The following APOLD1 variants were observed in gnomAD, a reference collection of about 807,000 sequenced individuals.
APOLD1 encodes apolipoprotein L domain-containing protein 1.
In APOLD1, 22 loss-of-function variants were observed where a neutral mutation model predicts 15.3. That is an observed-to-expected ratio of 1.44 (90% CI 1.03 to 2.05). The LOEUF is 2.05. APOLD1 is among the 30% of genes most tolerant of loss of function. The pLI is 0.00. For missense variants in APOLD1, 394 were observed against 353.5 expected, an observed-to-expected ratio of 1.11 and a Z score of -0.92; for synonymous variants, 190 against 167.4, an observed-to-expected ratio of 1.13 and a Z score of -1.04.
intron 1 of APOLD1, among the ~76,000 whole-genome samples, chr12:12,730,814 C>A (rs1316226539): frequency 6.8e-6 from 1 of 147,792 alleles, no homozygotes; most frequent in Non-Finnish European, 1.5e-5. Flanking sequence ...TAGCCCAATA[C>A]ATGGTATATA....
chr12:12,730,750 A>G (rs1946633945), intron 1 of APOLD1, among the ~76,000 whole-genome samples: 1 of 148,086 alleles, frequency 6.8e-6, no homozygotes, highest in Non-Finnish European at 1.5e-5. Context: ...GAGGATGCTT[A>G]TAACTCTCAT....
At chr12:12,734,650 G>C (rs1946669179) in intron 1 of APOLD1, among the ~76,000 whole-genome samples, 1 of 152,182 alleles carries the variant, frequency 6.6e-6, no homozygotes, top group African/African-American at 2.4e-5. Flanking sequence ...CTAGAGTCCT[G>C]ATTTTTGGCC....
At chr12:12,742,762 TA>T (rs56809842) in intron 1 of APOLD1, among the ~76,000 whole-genome samples, 133,467 of 140,748 alleles carry the variant, frequency 0.95, 63,359 homozygotes, top group Middle Eastern at 0.98. Context: ...AGACTCCATC[TA>T]AAAAAAAAAA....
At chr12:12,749,987 A>G (rs551584054) in intron 1 of APOLD1, among the ~76,000 whole-genome samples, 5 of 152,280 alleles carry the variant, frequency 3.3e-5, no homozygotes, top group South Asian at 4.2e-4. Flanking sequence ...CCCCATTCCA[A>G]TGAAATACAG....
intron 1 of APOLD1, among the ~76,000 whole-genome samples, chr12:12,758,875 C>T (rs1053878513): frequency 1.3e-5 from 2 of 152,186 alleles, no homozygotes; most frequent in African/African-American, 4.8e-5. Flanking sequence ...GAACACTTTA[C>T]AGCTTCTCTT....
chr12:12,751,611 A>G (rs1488812601), intron 1 of APOLD1, among the ~76,000 whole-genome samples: 1 of 135,258 alleles, frequency 7.4e-6, no homozygotes, highest in Non-Finnish European at 1.7e-5. Flanking sequence ...TTGGCCTACC[A>G]AAGTGCTAGG....
chr12:12,728,665 CAA>C (rs58877184), intron 1 of APOLD1, among the ~76,000 whole-genome samples: 7 of 62,836 alleles, frequency 1.1e-4, no homozygotes, highest in Admixed American at 2.0e-4. Context: ...GACCCTGTCT[CAA>C]AAAAAAAAAA....
In APOLD1 at chr12:12,787,065, G is replaced by T; in HGVS notation, c.160G>T (p.Val54Leu). ...RLERLRRRSL[V>L]ANVAGSSLSA... ...GGAGCGCCTGCGCAGGCGCTCCCTC[G>T]TAGCCAACGTGGCCGGCAGCTCGCT... The change falls in exon 2 of 2, where the codon GTA (valine) becomes TTA (leucine). Residue 54 changes from valine to leucine, a missense_variant. By Grantham distance (32) the Val-to-Leu change is conservative. Transcript: ENST00000356591. The surrounding 1 kb of genome is among the most constrained non-coding windows in gnomAD (Gnocchi z 4.9). 1 of 1,390,982 alleles carries T rather than the reference G, an allele frequency of 7.2e-7. No homozygotes were observed. The highest frequency in any genetic ancestry group is 1.6e-5 in the South Asian group (1 of 61,892). The allele number at this position is 1,390,982 out of a possible 1,614,324, so 86.2% of individuals were successfully genotyped here.
chr12:12,738,573 T>C lies in APOLD1; in HGVS notation c.96+12477T>C, dbSNP rs534214294. Among the ~76,000 whole-genome samples, 25 of 152,312 alleles carry C rather than the reference T, an allele frequency of 1.6e-4. No homozygotes were observed. In the South Asian group the frequency reaches 1.9e-3, roughly 11 times the overall value. On this transcript the variant is annotated intron_variant, in intron 1 of 1. Transcript: ENST00000326765. ...CCTTTTAAGAATTTCAAATGATGCTTTATAGTTTCTAATATGGTGCACTGG... is the reference window on the plus strand; with the variant it reads ...CCTTTTAAGAATTTCAAATGATGCTCTATAGTTTCTAATATGGTGCACTGG...
chr12:12,767,108 T>TG (rs1565434044), intron 1 of APOLD1, among the ~76,000 whole-genome samples: 1 of 151,402 alleles, frequency 6.6e-6, no homozygotes, highest in Non-Finnish European at 1.5e-5. Context: ...CAGCCGGGTG[T>TG]GGTGGTGCAT....
intron 1 of APOLD1, among the ~76,000 whole-genome samples, chr12:12,760,652 A>C (rs1264187357): frequency 2.0e-5 from 3 of 151,700 alleles, no homozygotes; most frequent in African/African-American, 7.3e-5. Flanking sequence ...AAAAAAAAAA[A>C]AAACAACCAA....
chr12:12,760,747 T>C (rs183122651), intron 1 of APOLD1, among the ~76,000 whole-genome samples: 2 of 150,986 alleles, frequency 1.3e-5, no homozygotes, highest in African/African-American at 4.9e-5. Context: ...GGCAAATCAA[T>C]AGAAATATGT....
chr12:12,789,377 G>A lies in APOLD1; in HGVS notation c.*1725G>A, dbSNP rs899487769. 6.6e-6 allele frequency: 1 copy of A among 152,180 alleles called. No individual in the cohort carries two copies. The highest frequency in any genetic ancestry group is 2.4e-5 in the African/African-American group (1 of 41,442). 9.4% of individuals were successfully genotyped at this position (152,180 alleles called of 1,614,324 possible). A position where few individuals can be genotyped will look rare whatever the true frequency, so the allele number is the denominator to read the frequency against. On this transcript the variant is annotated 3_prime_UTR_variant, in exon 2 of 2. Coordinates refer to ENST00000356591, the MANE Select transcript of APOLD1 (RefSeq NM_030817.3). Reference sequence around the variant, plus strand: ...TGGAGAGTCTTGAATGGCAAGACCAGGAGCTGAGTTTAAGCTTGTAATGGA... The same window carrying A: ...TGGAGAGTCTTGAATGGCAAGACCAAGAGCTGAGTTTAAGCTTGTAATGGA...
chr12:12,751,759 G>A (rs1752184431), intron 1 of APOLD1, among the ~76,000 whole-genome samples: 1 of 152,212 alleles, frequency 6.6e-6, no homozygotes, highest in Non-Finnish European at 1.5e-5. Flanking sequence ...ATGTTATATG[G>A]CAAAAGGAAC....
intron 1 of APOLD1, among the ~76,000 whole-genome samples, chr12:12,735,279 G>A (rs964861517): frequency 6.6e-6 from 1 of 152,034 alleles, no homozygotes; most frequent in Non-Finnish European, 1.5e-5. Flanking sequence ...CTCACCTGCA[G>A]TGCCTTCCCC....
intron 1 of APOLD1, among the ~76,000 whole-genome samples, chr12:12,767,184 T>C (rs1333170209): frequency 6.6e-6 from 1 of 152,130 alleles, no homozygotes; most frequent in Non-Finnish European, 1.5e-5. Flanking sequence ...AGGTGGAGGT[T>C]GCAGTGTGCC....
chr12:12,737,582 T>A (rs1412449449), intron 1 of APOLD1, among the ~76,000 whole-genome samples: 2 of 152,148 alleles, frequency 1.3e-5, no homozygotes, highest in African/African-American at 4.8e-5. Flanking sequence ...CTGTTTCCTT[T>A]CCCCTTTTTT....
chr12:12,742,423 A>C (rs73281165), intron 1 of APOLD1, among the ~76,000 whole-genome samples: 3,876 of 152,258 alleles, frequency 0.025, 159 homozygotes, highest in African/African-American at 0.087. Context: ...GCTCACCTCC[A>C]TATCGATTCA....
intron 1 of APOLD1, among the ~76,000 whole-genome samples, chr12:12,769,227 TAAAA>T (rs35276279): frequency 1.1e-4 from 7 of 61,758 alleles, no homozygotes; most frequent in Non-Finnish European, 1.3e-4. Flanking sequence ...GACCTCCAGC[TAAAA>T]AAAAAAAAAA....
Sources: gnomAD v4.1 joint callset for allele counts (sites outside exome capture counted in the v4.1 genomes callset) on GRCh38, gnomAD v4.1.1 for gene constraint, Gnocchi (gnomAD v3.1) non-coding constraint, MANE v1.5 for transcripts, NCBI Gene and HGNC (gene_info 2026-07-23, HGNC 2026-07-21) for gene names.